The following KCNIP4 variants were observed in gnomAD, a reference collection of about 807,000 sequenced individuals.
KCNIP4 encodes potassium voltage-gated channel interacting protein 4, also known as Kv channel-interacting protein 4.
Under a neutral mutation model 34.0 loss-of-function variants are expected in KCNIP4, and 12 were observed. The observed-to-expected ratio is 0.35, with a 90% confidence interval of 0.23 to 0.57. KCNIP4 has a LOEUF of 0.57. KCNIP4 is among the 20% of genes least tolerant of loss of function. The pLI is 0.83. For missense variants in KCNIP4, 238 were observed against 311.7 expected (o/e 0.76, Z 1.78); for synonymous variants, 124 against 102.2 (o/e 1.21, Z -1.29).
rs150905985 is a variant in KCNIP4, at chr4:21,250,765, AC to A, written c.62-368057del. On this transcript the variant is annotated intron_variant, in intron 1 of 8. Coordinates refer to ENST00000382152, the MANE Select transcript of KCNIP4 (RefSeq NM_025221.6). ...GTCAACAACTACCCTAGGAGATCTG[AC>A]CCAGTAGGTACTTAAAGCGAGGATG... 5.5e-4 allele frequency among the ~76,000 whole-genome samples: 84 copies of A among 152,100 alleles called. No homozygotes were observed. In the East Asian group the frequency reaches 0.016, roughly 29 times the overall value.
intron 1 of KCNIP4, among the ~76,000 whole-genome samples, chr4:21,693,499 G>T (rs1711919389): frequency 6.6e-6 from 1 of 152,198 alleles, no homozygotes; most frequent in African/African-American, 2.4e-5. Context: ...GGAGGTGGAG[G>T]TTGCAGTGAG....
chr4:21,465,859 G>A (rs187417836), intron 1 of KCNIP4, among the ~76,000 whole-genome samples: 9 of 152,230 alleles, frequency 5.9e-5, no homozygotes, highest in Admixed American at 5.9e-4. Context: ...AGGAGTTAAG[G>A]CTCATTCTGA....
chr4:21,711,943 TGGCC>T (rs1713761568), intron 1 of KCNIP4, among the ~76,000 whole-genome samples: 1 of 152,172 alleles, frequency 6.6e-6, no homozygotes, highest in Non-Finnish European at 1.5e-5. Flanking sequence ...GTTAAGTAAC[TGGCC>T]TATACTCATT....
intron 1 of KCNIP4, among the ~76,000 whole-genome samples, chr4:21,044,876 G>A (rs1428891612): frequency 6.6e-6 from 1 of 152,148 alleles, no homozygotes; most frequent in Admixed American, 6.5e-5. Flanking sequence ...AGATTAGGTT[G>A]GGGGCCACCT....
At chr4:21,320,066 G>C (rs1714207816) in intron 1 of KCNIP4, among the ~76,000 whole-genome samples, 2 of 152,160 alleles carry the variant, frequency 1.3e-5, no homozygotes. Context: ...CCATGTATTA[G>C]AGCATTTGGA....
intron 1 of KCNIP4, among the ~76,000 whole-genome samples, chr4:21,252,541 T>C (rs1760788879): frequency 6.6e-6 from 1 of 151,960 alleles, no homozygotes; most frequent in Non-Finnish European, 1.5e-5. Context: ...TTCCACACCA[T>C]CACCTAAGCA....
chr4:21,912,804 TTTATA>T (rs1429457312), intron 1 of KCNIP4, among the ~76,000 whole-genome samples: 9 of 149,820 alleles, frequency 6.0e-5, no homozygotes, highest in African/African-American at 2.2e-4. Context: ...CATTATATGT[TTTATA>T]TAATATAATA....
chr4:21,011,920 T>C (rs1739096938), intron 1 of KCNIP4, among the ~76,000 whole-genome samples: 1 of 152,202 alleles, frequency 6.6e-6, no homozygotes, highest in Admixed American at 6.5e-5. Context: ...TCAAGACAAG[T>C]TGGATGAATT....
intron 1 of KCNIP4, among the ~76,000 whole-genome samples, chr4:21,540,637 T>C (rs17547634): frequency 0.23 from 35,215 of 152,120 alleles, 4,803 homozygotes; most frequent in Middle Eastern, 0.4. Flanking sequence ...TAGTAGCTTA[T>C]GAAAGGATCA....
intron 1 of KCNIP4, among the ~76,000 whole-genome samples, chr4:21,151,404 CA>C (rs750147068): frequency 0.19 from 12,330 of 66,108 alleles, 2,209 homozygotes; most frequent in Non-Finnish European, 0.21. Context: ...CAACAAAAGA[CA>C]ATTTTTTTTT....
chr4:21,492,943 T>C (rs1009574881), intron 1 of KCNIP4, among the ~76,000 whole-genome samples: 6 of 152,204 alleles, frequency 3.9e-5, no homozygotes, highest in Non-Finnish European at 7.3e-5. Context: ...TACTCTTCTC[T>C]CCTTTTGCTT....
At chr4:21,507,139 T>G (rs1346642377) in intron 1 of KCNIP4, among the ~76,000 whole-genome samples, 1 of 151,996 alleles carries the variant, frequency 6.6e-6, no homozygotes, top group Non-Finnish European at 1.5e-5. Context: ...TTTAATATTA[T>G]TAAATATTAT....
Position 20,926,663 on chromosome 4 carries a change from T to C in KCNIP4, c.62-43954A>G, listed in dbSNP as rs971975173. On this transcript the variant is annotated intron_variant, in intron 1 of 8. Transcript: ENST00000382152. ...AGTCATTCATCCTGTAAGTTCAGAA[T>C]TGAATGTTTTGAGATTCTTTAAGGC... 4.6e-5 allele frequency among the ~76,000 whole-genome samples: 7 copies of C among 152,210 alleles called. No individual in the cohort carries two copies. In the East Asian group the frequency reaches 7.7e-4, roughly 17 times the overall value.
intron 1 of KCNIP4, among the ~76,000 whole-genome samples, chr4:21,424,221 C>A (rs913034285): frequency 6.6e-6 from 1 of 151,948 alleles, no homozygotes; most frequent in Admixed American, 6.6e-5. Context: ...CTAGAAAAGG[C>A]CTGGGGTCCA....
chr4:21,259,425 G>T (rs1761301494), intron 1 of KCNIP4, among the ~76,000 whole-genome samples: 1 of 152,108 alleles, frequency 6.6e-6, no homozygotes, highest in African/African-American at 2.4e-5. Flanking sequence ...CTGGTTTAAA[G>T]CCTAGTCACA....
intron 1 of KCNIP4, among the ~76,000 whole-genome samples, chr4:21,507,789 T>A (rs1216395540): frequency 2.0e-5 from 3 of 152,170 alleles, no homozygotes; most frequent in Non-Finnish European, 4.4e-5. Context: ...CATCTTATAA[T>A]AAGAAACAAG....
chr4:21,419,928 T>A (rs1205998921), intron 1 of KCNIP4, among the ~76,000 whole-genome samples: 1 of 152,200 alleles, frequency 6.6e-6, no homozygotes, highest in African/African-American at 2.4e-5. Flanking sequence ...AATGCTGATT[T>A]TAATTCTGAA....
At chr4:21,125,680 G>A (rs1236873444) in intron 1 of KCNIP4, among the ~76,000 whole-genome samples, 1 of 152,094 alleles carries the variant, frequency 6.6e-6, no homozygotes, top group African/African-American at 2.4e-5. Context: ...GCTAAAGGAT[G>A]GCAATGAGAC....
chr4:21,166,797 G>A (rs981761882), intron 1 of KCNIP4, among the ~76,000 whole-genome samples: 1 of 151,914 alleles, frequency 6.6e-6, no homozygotes, highest in Admixed American at 6.6e-5. Flanking sequence ...AAATTAGCCG[G>A]GTGTAGTGGC....
Sources: gnomAD v4.1 joint callset for allele counts (sites outside exome capture counted in the v4.1 genomes callset) on GRCh38, gnomAD v4.1.1 for gene constraint, MANE v1.5 for transcripts, NCBI Gene and HGNC (gene_info 2026-07-23, HGNC 2026-07-21) for gene names.